The following CNTLN variants were observed in gnomAD, a reference collection of about 807,000 sequenced individuals.
The protein encoded by CNTLN is centlein, also known as centlein, centrosomal protein.
Under a neutral mutation model 180.0 loss-of-function variants are expected in CNTLN, and 212 were observed. The observed-to-expected ratio is 1.18, with a 90% confidence interval of 1.05 to 1.32. The LOEUF is 1.32. Among genes scored for constraint, CNTLN ranks in the 40% most tolerant of loss-of-function variants. CNTLN has a pLI of 0.00. For synonymous variants in CNTLN, 722 were observed against 563.1 expected (o/e 1.28, Z -3.99); for missense variants, 2,095 against 1,610.9 (o/e 1.30, Z -5.14).
chr9:17,402,616 A>G (rs1216307751), intron 15 of CNTLN, among the ~76,000 whole-genome samples: 2 of 151,812 alleles, frequency 1.3e-5, no homozygotes, highest in African/African-American at 4.9e-5. Context: ...GATAAACCTC[A>G]TTTAGTCTGT....
chr9:17,330,262 C>G (rs1170164320), intron 8 of CNTLN, among the ~76,000 whole-genome samples: 2 of 151,882 alleles, frequency 1.3e-5, no homozygotes, highest in African/African-American at 2.4e-5. Context: ...TTGTATGACT[C>G]TTGATGACCA....
At chr9:17,261,211 G>A (rs1591138) in intron 5 of CNTLN, among the ~76,000 whole-genome samples, 71,204 of 150,984 alleles carry the variant, frequency 0.47, 17,790 homozygotes, top group South Asian at 0.72. Context: ...TCTGTCAAAA[G>A]TGACGTTGGT....
At chr9:17,319,216 T>C (rs1454386104) in intron 8 of CNTLN, among the ~76,000 whole-genome samples, 3 of 152,334 alleles carry the variant, frequency 2.0e-5, no homozygotes, top group East Asian at 1.9e-4. Flanking sequence ...TGGTGTATCC[T>C]AGAGAGTGAG....
At chr9:17,405,078 T>G (rs1352988314) in intron 15 of CNTLN, among the ~76,000 whole-genome samples, 1 of 151,714 alleles carries the variant, frequency 6.6e-6, no homozygotes, top group East Asian at 1.9e-4. Context: ...TTTGCCAAAT[T>G]CAAAGGTTGA....
Position 17,194,289 on chromosome 9 carries a change from T to C in CNTLN, c.450-31914T>C, listed in dbSNP as rs536752046. ...AAATGAGTTTTTCTTTTGTATCACA[T>C]TGTTAGGCTGCACATTTTTCTAACT... On this transcript the variant is annotated intron_variant, in intron 2 of 25. Coordinates refer to ENST00000380647, the MANE Select transcript of CNTLN (RefSeq NM_017738.4). Among the ~76,000 whole-genome samples the C allele has an allele frequency of 2.0e-5, 3 of 152,346 alleles. No homozygotes were observed. The South Asian group carries it at 6.2e-4, about 32-fold the overall frequency.
chr9:17,157,240 C>A (rs1428177189), intron 2 of CNTLN, among the ~76,000 whole-genome samples: 1 of 152,148 alleles, frequency 6.6e-6, no homozygotes, highest in Non-Finnish European at 1.5e-5. Context: ...TGTTTCAAAA[C>A]CATAGCATAA....
chr9:17,374,750 A>T (rs957082996), intron 13 of CNTLN, among the ~76,000 whole-genome samples: 1 of 152,060 alleles, frequency 6.6e-6, no homozygotes, highest in Non-Finnish European at 1.5e-5. Flanking sequence ...AATCCCAGTT[A>T]CTTGGGAGGC....
At chr9:17,351,337 C>G (rs1450661848) in intron 12 of CNTLN, among the ~76,000 whole-genome samples, 1 of 152,164 alleles carries the variant, frequency 6.6e-6, no homozygotes, top group Non-Finnish European at 1.5e-5. Flanking sequence ...ACTTTCAGAC[C>G]TGTATATCTA....
intron 18 of CNTLN, among the ~76,000 whole-genome samples, chr9:17,437,946 A>AT (rs1332569707): frequency 1.3e-5 from 2 of 152,098 alleles, no homozygotes; most frequent in East Asian, 3.9e-4. Context: ...GTTTTGTATG[A>AT]TTTTGGAAGT....
chr9:17,452,994 T>C (rs1307293025), intron 18 of CNTLN, among the ~76,000 whole-genome samples: 1 of 151,784 alleles, frequency 6.6e-6, no homozygotes, highest in African/African-American at 2.4e-5. Flanking sequence ...TACAAATAAA[T>C]TGAAAAAGAA....
At chr9:17,226,659 C>G (rs1291112587) in intron 3 of CNTLN, among the ~76,000 whole-genome samples, 2 of 151,926 alleles carry the variant, frequency 1.3e-5, no homozygotes, top group African/African-American at 4.8e-5. Flanking sequence ...ATTATTTACA[C>G]TTAAAACTTG....
intron 8 of CNTLN, among the ~76,000 whole-genome samples, chr9:17,330,314 T>C (rs1433330533): frequency 6.6e-6 from 1 of 152,072 alleles, no homozygotes; most frequent in Non-Finnish European, 1.5e-5. Context: ...CATATGTGTA[T>C]AATCAGAAAT....
Position 17,416,071 on chromosome 9 carries a change from A to C in CNTLN, c.2996A>C (p.Gln999Pro). Residue 999 changes from glutamine (Q) to proline (P), a missense_variant, in exon 18 of 26, where the codon CAG (glutamine) becomes CCG (proline). Transcript: ENST00000380647. ...TTGCAACAACAAAACAGTGTACTTC[A>C]GAATGCCAAGAAAACAGCAGAATTG... ...ISLQQQNSVL[Q>P]NAKKTAELSV... is the part of the protein sequence containing the mutation. The C allele has an allele frequency of 6.2e-7, 1 of 1,613,704 alleles. No homozygotes were observed.
chr9:17,325,699 G>A (rs1820243514), intron 8 of CNTLN, among the ~76,000 whole-genome samples: 1 of 151,836 alleles, frequency 6.6e-6, no homozygotes, highest in African/African-American at 2.4e-5. Context: ...GCTTTGTTAT[G>A]TGTTGACAGG....
chr9:17,323,407 C>T (rs558425434), intron 8 of CNTLN, among the ~76,000 whole-genome samples: 1 of 152,150 alleles, frequency 6.6e-6, no homozygotes, highest in Non-Finnish European at 1.5e-5. Flanking sequence ...CCATGGCACT[C>T]TCATTCAAAT....
intron 2 of CNTLN, among the ~76,000 whole-genome samples, chr9:17,195,005 C>G (rs1024840275): frequency 1.6e-4 from 24 of 151,998 alleles, no homozygotes; most frequent in African/African-American, 5.8e-4. Context: ...GAAACCGCCC[C>G]CATAATTCAA....
chr9:17,447,383 G>T lies in CNTLN; in HGVS notation c.3115-10141G>T, dbSNP rs752052602. 3.2e-4 allele frequency: 60 copies of T among 188,154 alleles called. No individual in the cohort carries two copies. The Middle Eastern group carries it at 3.5e-3, about 11-fold the overall frequency. The allele number at this position is 188,154 out of a possible 1,614,324, so 11.7% of individuals were successfully genotyped here. On this transcript the variant is annotated intron_variant, in intron 18 of 25. Transcript: ENST00000380647. ...TGTTGAGAAAAAAGTGTTTGGAAAAGTTCTCCCAAACTGCCCTGGCTTGGC... is the reference window on the plus strand; with the variant it reads ...TGTTGAGAAAAAAGTGTTTGGAAAATTTCTCCCAAACTGCCCTGGCTTGGC...
chr9:17,409,625 A>G, intron 16 of CNTLN, 152 bp downstream of exon 16: 1 of 555,348 alleles, frequency 1.8e-6, no homozygotes, highest in Non-Finnish European at 3.0e-6. Flanking sequence ...ACTTTTAAAT[A>G]ATTTTCAAGT....
At chr9:17,424,870 T>G (rs1039886009) in intron 18 of CNTLN, among the ~76,000 whole-genome samples, 2 of 152,156 alleles carry the variant, frequency 1.3e-5, no homozygotes, top group African/African-American at 4.8e-5. Context: ...GCCGGAACCA[T>G]GCTCTTAGAC....
Sources: gnomAD v4.1 joint callset for allele counts (sites outside exome capture counted in the v4.1 genomes callset) on GRCh38, gnomAD v4.1.1 for gene constraint, MANE v1.5 for transcripts, NCBI Gene and HGNC (gene_info 2026-07-23, HGNC 2026-07-21) for gene names.